Variants in ZNF141 observed in about 807,000 individuals in gnomAD.
ZNF141 encodes the protein zinc finger protein 141 (clone pHZ-44).
ZNF141 carries 7 observed loss-of-function variants against 11.3 expected under a neutral mutation model. The ratio of observed to expected loss-of-function variants is 0.62; its 90% confidence interval spans 0.35 to 1.16. ZNF141 has a LOEUF of 1.16. ZNF141 is among the 50% of genes most tolerant of loss of function. The probability of loss-of-function intolerance (pLI) is 0.02; values close to 1 mark genes in which losing one functional copy is unlikely to be tolerated. For synonymous variants in ZNF141, 183 were observed against 190.7 expected, an observed-to-expected ratio of 0.96 and a Z score of 0.33; for missense variants, 535 against 554.0, an observed-to-expected ratio of 0.97 and a Z score of 0.34.
At chr4:344,265 G>A (rs541079420) in intron 2 of ZNF141, 70 bp from the exon 3 acceptor site, 70 of 1,307,962 alleles carry the variant, frequency 5.4e-5, no homozygotes, top group African/African-American at 1.8e-4. Flanking sequence ...TCTGCTTAGC[G>A]TAGTACTAGG....
intron 3 of ZNF141, among the ~76,000 whole-genome samples, chr4:363,573 C>T (rs1299619937): frequency 3.3e-5 from 5 of 152,088 alleles, no homozygotes; most frequent in Middle Eastern, 3.4e-3. Context: ...TGGCTAACAC[C>T]GTGAAACCTC....
At chr4:357,598 A>C (rs1721902562) in intron 3 of ZNF141, among the ~76,000 whole-genome samples, 1 of 151,992 alleles carries the variant, frequency 6.6e-6, no homozygotes, top group African/African-American at 2.4e-5. Context: ...ACAATTAAAA[A>C]AATTTTTTTT....
At position 376,563 on chromosome 4, in the gene ZNF141, A is replaced by G. The variant is rs1712374738; in HGVS notation, c.*2701A>G. On this transcript the variant is annotated 3_prime_UTR_variant, in exon 4 of 4. Transcript: ENST00000240499. Reference sequence around the variant, plus strand: ...TTATGCATCCTGAATACTTCTAAAAAATGTTTTACATTTCTCTTTGAACAT... The same window carrying G: ...TTATGCATCCTGAATACTTCTAAAAGATGTTTTACATTTCTCTTTGAACAT... 6.6e-6 allele frequency among the ~76,000 whole-genome samples: 1 copy of G among 152,106 alleles called. No individual in the cohort carries two copies. The highest frequency in any genetic ancestry group is 2.1e-4 in the South Asian group (1 of 4,832).
At position 383,727 on chromosome 4, in the gene ZNF141, G is replaced by A. The variant is rs534977736; in HGVS notation, c.*9865G>A. The stretch of plus-strand genomic sequence containing the variant: ...ACCAGTTCTCTGATAGAAAAGGACA[G>A]TGCCTTGGAGTGGCCGTGGGCCAAG... On this transcript the variant is annotated 3_prime_UTR_variant, in exon 4 of 4. Coordinates refer to ENST00000240499, the MANE Select transcript of ZNF141 (RefSeq NM_003441.4). 2.1e-3 allele frequency: 320 copies of A among 152,822 alleles called. 1 individual carries two copies. Among genetic ancestry groups the A allele is most frequent in the Non-Finnish European group, 2.4e-3 (167 of 68,388 alleles). 9.5% of individuals were successfully genotyped at this position (152,822 alleles called of 1,614,324 possible). A position where few individuals can be genotyped will look rare whatever the true frequency, so the allele number is the denominator to read the frequency against.
intron 3 of ZNF141, among the ~76,000 whole-genome samples, chr4:344,646 T>A (rs1244830870): frequency 2.0e-5 from 3 of 151,980 alleles, no homozygotes; most frequent in Non-Finnish European, 4.4e-5. Context: ...ATACAAAAAT[T>A]AGCTGGGCAT....
chr4:338,116 C>A, intron 1 of ZNF141, 130 bp downstream of exon 1: 1 of 1,257,952 alleles, frequency 7.9e-7, no homozygotes, highest in Non-Finnish European at 1.1e-6. Flanking sequence ...TCAGTACCCT[C>A]CGGTGAGGGA....
At chr4:348,619 G>A (rs1196254804) in intron 3 of ZNF141, among the ~76,000 whole-genome samples, 2 of 151,854 alleles carry the variant, frequency 1.3e-5, no homozygotes, top group Admixed American at 6.6e-5. Context: ...GGAAGCTGAG[G>A]CAGGAGAATC....
chr4:349,960 A>G (rs1216632665), intron 3 of ZNF141, among the ~76,000 whole-genome samples: 3 of 151,870 alleles, frequency 2.0e-5, no homozygotes. Context: ...ATTGTGTACA[A>G]CTGGCCATGG....
intron 3 of ZNF141, among the ~76,000 whole-genome samples, chr4:345,236 G>A (rs533735125): frequency 6.6e-6 from 1 of 152,230 alleles, no homozygotes; most frequent in African/African-American, 2.4e-5. Flanking sequence ...GGCTGCAAAT[G>A]TAATTCTACA....
chr4:338,152 A>G, intron 1 of ZNF141, 166 bp downstream of exon 1: 1 of 841,252 alleles, frequency 1.2e-6, no homozygotes, highest in South Asian at 1.7e-5. Context: ...GTCCCCGCAC[A>G]GCGGCTCTGG....
intron 3 of ZNF141, among the ~76,000 whole-genome samples, chr4:362,526 T>A (rs145824198): frequency 0.028 from 4,257 of 152,346 alleles, 81 homozygotes; most frequent in Non-Finnish European, 0.046. Flanking sequence ...AACATTTAAG[T>A]CTTTAATCCA....
intron 3 of ZNF141, among the ~76,000 whole-genome samples, chr4:359,974 C>T (rs1218303541): frequency 1.3e-5 from 2 of 152,284 alleles, no homozygotes; most frequent in East Asian, 3.9e-4. Flanking sequence ...ATGAATCCTC[C>T]TAAGTGTCTT....
At position 373,801 on chromosome 4, in the gene ZNF141, A is replaced by G. The variant is rs1712216403; in HGVS notation, c.1364A>G (p.Asp455Gly). The G allele has an allele frequency of 6.8e-6, 11 of 1,614,022 alleles. No homozygotes were observed. The highest frequency in any genetic ancestry group is 9.3e-6 in the Non-Finnish European group (11 of 1,179,914). ...HTVDKPYKCKDCDKAFKRFSH... is the reference protein window; with the variant it reads ...HTVDKPYKCKGCDKAFKRFSH... ...GTAGATAAACCCTACAAATGTAAAGATTGTGACAAAGCCTTTAAACGGTTC... is the reference window on the plus strand; with the variant it reads ...GTAGATAAACCCTACAAATGTAAAGGTTGTGACAAAGCCTTTAAACGGTTC... Residue 455 changes from aspartate (D) to glycine (G), a missense_variant, in exon 4 of 4, where the codon GAT becomes GGT. Asp to Gly is a moderately conservative substitution (Grantham distance 94). Transcript: ENST00000240499.
chr4:343,431 A>C (rs1426391370), intron 1 of ZNF141, among the ~76,000 whole-genome samples: 4 of 152,192 alleles, frequency 2.6e-5, no homozygotes, highest in Non-Finnish European at 4.4e-5. Flanking sequence ...CAAATTAAGA[A>C]CTATGTCCCT....
At chr4:369,193 A>G (rs543720664) in intron 3 of ZNF141, among the ~76,000 whole-genome samples, 2 of 152,252 alleles carry the variant, frequency 1.3e-5, no homozygotes, top group South Asian at 4.1e-4. Flanking sequence ...ACACACATTA[A>G]TATATGTATA....
At position 358,909 on chromosome 4, in the gene ZNF141, T is replaced by G. The variant is rs961272721; in HGVS notation, c.227-13755T>G. The stretch of plus-strand genomic sequence containing the variant: ...ATTTTTTAAGATAATTACTTTGAAT[T>G]CTCTGTTAGACATTTTCTAGATCTG... On this transcript the variant is annotated intron_variant, in intron 3 of 3. Transcript: ENST00000240499. Among the ~76,000 whole-genome samples, 6 of 152,176 alleles carry G rather than the reference T, an allele frequency of 3.9e-5. No individual in the cohort carries two copies. The East Asian group carries it at 1.2e-3, about 29-fold the overall frequency.
chr4:373,266 C>A lies in ZNF141; in HGVS notation c.829C>A (p.His277Asn). Residue 277 changes from histidine to asparagine, a missense_variant, in exon 4 of 4, where the codon CAT (histidine) becomes AAT (asparagine). Transcript: ENST00000240499. ...AACCCTTACTAAACATAAGAGAATT[C>A]ATGCTGGAGAGAAACCCATCACATG... Reference protein sequence around the residue: ...FTTLTKHKRIHAGEKPITCEE... With the variant: ...FTTLTKHKRINAGEKPITCEE... The A allele has an allele frequency of 6.2e-7, 1 of 1,613,998 alleles. No homozygotes were observed. Among genetic ancestry groups the A allele is most frequent in the Non-Finnish European group, 8.5e-7 (1 of 1,179,992 alleles).
chr4:345,749 A>G (rs1201442425), intron 3 of ZNF141, among the ~76,000 whole-genome samples: 1 of 151,746 alleles, frequency 6.6e-6, no homozygotes, highest in Non-Finnish European at 1.5e-5. Flanking sequence ...AAAAAAAAAA[A>G]AGTTTTTGAA....
intron 3 of ZNF141, among the ~76,000 whole-genome samples, chr4:346,090 T>G (rs192867692): frequency 2.6e-5 from 4 of 152,384 alleles, no homozygotes; most frequent in Non-Finnish European, 5.9e-5. Flanking sequence ...TATTTAAGTG[T>G]GTAGTAAATT....
Sources: gnomAD v4.1 joint callset for allele counts (sites outside exome capture counted in the v4.1 genomes callset) on GRCh38, gnomAD v4.1.1 for gene constraint, MANE v1.5 for transcripts, NCBI Gene and HGNC (gene_info 2026-07-23, HGNC 2026-07-21) for gene names.